The following LRRIQ1 variants were observed in gnomAD, a reference collection of about 807,000 sequenced individuals.
The protein encoded by LRRIQ1 is leucine-rich repeat- and IQ domain-containing protein 1.
LRRIQ1 carries 210 observed loss-of-function variants against 211.9 expected under a neutral mutation model. That is an observed-to-expected ratio of 0.99 (90% CI 0.89 to 1.11). The LOEUF (loss-of-function observed/expected upper bound fraction) is 1.11, where lower values mean the gene tolerates loss of function less well. Among genes scored for constraint, LRRIQ1 ranks in the 50% most tolerant of loss-of-function variants. LRRIQ1 has a pLI of 0.00. For synonymous variants in LRRIQ1, 699 were observed against 650.1 expected (o/e 1.08, Z -1.14); for missense variants, 2,136 against 1,939.5 (o/e 1.10, Z -1.90).
At chr12:85,086,234 T>C (rs1186208943) in intron 11 of LRRIQ1, among the ~76,000 whole-genome samples, 1 of 152,172 alleles carries the variant, frequency 6.6e-6, no homozygotes, top group East Asian at 1.9e-4. Context: ...TGTATGTCTT[T>C]GATATAGCTT....
chr12:85,090,276 T>G (rs746239093), intron 11 of LRRIQ1, among the ~76,000 whole-genome samples: 8 of 152,064 alleles, frequency 5.3e-5, no homozygotes, highest in Non-Finnish European at 1.2e-4. Context: ...TCTACCAAAG[T>G]AGGGCAGAGG....
At chr12:85,213,719 A>C (rs1164358791) in intron 24 of LRRIQ1, among the ~76,000 whole-genome samples, 1 of 152,054 alleles carries the variant, frequency 6.6e-6, no homozygotes, top group Non-Finnish European at 1.5e-5. Context: ...GTTAAAGAAC[A>C]CTTAAAAACT....
chr12:85,139,943 A>G (rs1169997657), intron 19 of LRRIQ1, among the ~76,000 whole-genome samples: 2 of 151,382 alleles, frequency 1.3e-5, no homozygotes, highest in Admixed American at 6.6e-5. Flanking sequence ...ATGCTCAAAT[A>G]AATTGAACTG....
At chr12:85,137,706 G>T in intron 18 of LRRIQ1, 144 bp from the exon 19 acceptor site, 20 of 539,192 alleles carry the variant, frequency 3.7e-5, no homozygotes, top group Non-Finnish European at 4.5e-5. Flanking sequence ...TCAGTTTTAA[G>T]TGTCACATAA....
At chr12:85,051,224 G>T (rs1474425474) in intron 6 of LRRIQ1, among the ~76,000 whole-genome samples, 1 of 150,990 alleles carries the variant, frequency 6.6e-6, no homozygotes, top group Admixed American at 6.6e-5. Context: ...TGACTCACTG[G>T]CTTCATTTCT....
intron 1 of LRRIQ1, among the ~76,000 whole-genome samples, chr12:85,259,938 A>G (rs973772427): frequency 6.6e-6 from 1 of 152,064 alleles, no homozygotes; most frequent in African/African-American, 2.4e-5. Context: ...AATTTCTGTC[A>G]ATAGAAAAGT....
chr12:85,126,237 G>A (rs901763961), intron 17 of LRRIQ1, among the ~76,000 whole-genome samples: 1 of 151,998 alleles, frequency 6.6e-6, no homozygotes, highest in Non-Finnish European at 1.5e-5. Context: ...TTTTCCCTGG[G>A]GAATTTTGAT....
At chr12:85,210,097 T>C (rs1451656059) in intron 24 of LRRIQ1, among the ~76,000 whole-genome samples, 3 of 152,202 alleles carry the variant, frequency 2.0e-5, no homozygotes, top group African/African-American at 4.8e-5. Flanking sequence ...GAAATAGTTT[T>C]TCATATTTGT....
At chr12:85,130,906 C>T (rs1190400084) in intron 18 of LRRIQ1, among the ~76,000 whole-genome samples, 1 of 151,924 alleles carries the variant, frequency 6.6e-6, no homozygotes, top group South Asian at 2.1e-4. Flanking sequence ...TCAGAGTTCT[C>T]GTCATTAGAA....
chr12:85,080,132 C>CATT (rs1392601041), intron 11 of LRRIQ1, among the ~76,000 whole-genome samples: 1 of 151,910 alleles, frequency 6.6e-6, no homozygotes, highest in Non-Finnish European at 1.5e-5. Context: ...ATAGACTTAC[C>CATT]ATTTGTATTG....
Position 85,217,504 on chromosome 12 carries a change from ATATATGTGTGTGTGTGTG to A in LRRIQ1, c.4823-12011_4823-11994del, listed in dbSNP as rs1375401439. 1.5e-3 allele frequency among the ~76,000 whole-genome samples: 100 copies of A among 67,036 alleles called. 2 individuals are homozygous for A. The highest frequency in any genetic ancestry group is 0.01 in the African/African-American group (88 of 8,446). 44.0% of individuals were successfully genotyped at this position (67,036 alleles called of 152,430 possible). On this transcript the variant is annotated intron_variant, in intron 24 of 26. Transcript: ENST00000393217. ...TATATATATATATGTATATATATAT[ATATATGTGTGTGTGTGTG>A]TGTGTGTGTGTGTGTGTGTGTGTGT...
In LRRIQ1 at chr12:85,124,202, C is replaced by A; in HGVS notation, c.3690C>A (p.Ala1230=). The A allele has an allele frequency of 6.2e-7, 1 of 1,613,912 alleles. No homozygotes were observed. The highest frequency in any genetic ancestry group is 8.5e-7 in the Non-Finnish European group (1 of 1,179,980). The change falls in exon 17 of 27, where the codon GCC becomes GCA. Residue 1230 remains alanine (A), a synonymous_variant. Transcript: ENST00000393217. Reference sequence around the variant, plus strand: ...TCACCAAGAAAGATGAATCAGAAGCCCAGAAAAATCATTTGGCCCCTACAA... The same window carrying A: ...TCACCAAGAAAGATGAATCAGAAGCACAGAAAAATCATTTGGCCCCTACAA... The part of the protein sequence containing the change: ...VTITKKDESE[A]QKNHLAPTNS...
At position 85,089,395 on chromosome 12, in the gene LRRIQ1, A is replaced by C. The variant is rs576712371; in HGVS notation, c.2888-8960A>C. ...ATTCAAAGAGTTTGGAGGGCTTAGA[A>C]GAAGATAGGAAGATGAGAGAAAGTT... On this transcript the variant is annotated intron_variant, in intron 11 of 26. Coordinates refer to ENST00000393217, the MANE Select transcript of LRRIQ1 (RefSeq NM_001079910.2). Among the ~76,000 whole-genome samples, 2 of 152,372 alleles carry C rather than the reference A, an allele frequency of 1.3e-5. 1 individual carries two copies. The highest frequency in any genetic ancestry group is 4.8e-5 in the African/African-American group (2 of 41,578).
chr12:85,270,858 G>A, the LRRIQ1 span, among the ~76,000 whole-genome samples: 7 of 152,122 alleles, frequency 4.6e-5, no homozygotes, highest in African/African-American at 1.7e-4. Context: ...AGAGCTGGAC[G>A]TAACCCCAGT....
chr12:85,168,628 G>A (rs982994698), intron 24 of LRRIQ1, among the ~76,000 whole-genome samples: 11 of 152,160 alleles, frequency 7.2e-5, no homozygotes, highest in Non-Finnish European at 8.8e-5. Flanking sequence ...TTCCAATTCC[G>A]CCCCTTAATT....
chr12:85,230,845 C>G (rs1024780595), intron 25 of LRRIQ1, among the ~76,000 whole-genome samples: 1 of 151,676 alleles, frequency 6.6e-6, no homozygotes, highest in African/African-American at 2.4e-5. Flanking sequence ...GTCAGGAGAT[C>G]GAAACCATCC....
At chr12:85,244,682 A>G in intron 26 of LRRIQ1, 107 bp from the exon 27 acceptor site, 3 of 938,050 alleles carry the variant, frequency 3.2e-6, no homozygotes, top group Admixed American at 4.3e-5. Context: ...ATTTTGAAGA[A>G]GGTTGTTTGA....
intron 24 of LRRIQ1, among the ~76,000 whole-genome samples, chr12:85,197,030 C>T (rs1485266879): frequency 6.6e-6 from 1 of 151,210 alleles, no homozygotes; most frequent in Non-Finnish European, 1.5e-5. Flanking sequence ...CATGAACAGA[C>T]ACTTCTCAAA....
intron 24 of LRRIQ1, among the ~76,000 whole-genome samples, chr12:85,175,436 G>C (rs900548941): frequency 6.6e-6 from 1 of 151,942 alleles, no homozygotes; most frequent in South Asian, 2.1e-4. Flanking sequence ...AGTATTCTTC[G>C]GGCAGAAGAA....
Sources: allele counts gnomAD v4.1 joint callset (sites outside exome capture counted in the v4.1 genomes callset), GRCh38; gene constraint gnomAD v4.1.1; transcripts MANE v1.5; gene names NCBI Gene and HGNC (gene_info 2026-07-23, HGNC 2026-07-21).